CPEB3: variants seen among roughly 807,000 people sequenced by gnomAD.
CPEB3 encodes cytoplasmic polyadenylation element binding protein 3, also known as cytoplasmic polyadenylation element-binding protein 3.
In CPEB3, 20 loss-of-function variants were observed where a neutral mutation model predicts 67.2. The ratio of observed to expected loss-of-function variants is 0.30; its 90% CI spans 0.21 to 0.43. The LOEUF (loss-of-function observed/expected upper bound fraction) is 0.43. CPEB3 is among the 20% of genes least tolerant of loss of function. The probability of loss-of-function intolerance (pLI) is 1.00; values close to 1 mark genes in which losing one functional copy is unlikely to be tolerated. For synonymous variants in CPEB3, 376 were observed against 393.1 expected (o/e 0.96, Z 0.51); for missense variants, 746 against 968.6 (o/e 0.77, Z 3.05).
At chr10:92,165,639 C>A (rs1364715486) in intron 4 of CPEB3, among the ~76,000 whole-genome samples, 1 of 152,162 alleles carries the variant, frequency 6.6e-6, no homozygotes, top group Non-Finnish European at 1.5e-5. Flanking sequence ...TGGATTCGAT[C>A]CTTTCAAACC....
chr10:92,104,813 G>A (rs1007929554), intron 7 of CPEB3, among the ~76,000 whole-genome samples: 1 of 152,092 alleles, frequency 6.6e-6, no homozygotes, highest in Admixed American at 6.6e-5. Flanking sequence ...AATGTATAAT[G>A]AATAGGAGAT....
At chr10:92,167,978 G>C (rs540575527) in intron 4 of CPEB3, among the ~76,000 whole-genome samples, 1 of 152,030 alleles carries the variant, frequency 6.6e-6, no homozygotes, top group East Asian at 1.9e-4. Context: ...AACAGATATA[G>C]TAATAACAAA....
chr10:92,075,553 A>T (rs900415327), intron 9 of CPEB3, among the ~76,000 whole-genome samples: 1 of 152,268 alleles, frequency 6.6e-6, no homozygotes, highest in Non-Finnish European at 1.5e-5. Context: ...TGAATAGCAT[A>T]AAACAGCTCA....
chr10:92,199,108 C>G (rs1418546828), intron 2 of CPEB3, among the ~76,000 whole-genome samples: 2 of 152,156 alleles, frequency 1.3e-5, no homozygotes, highest in African/African-American at 4.8e-5. Flanking sequence ...AAACGATTAA[C>G]TGGCAGGGCG....
intron 6 of CPEB3, chr10:92,137,273 A>G (rs1396344886): frequency 3.2e-6 from 2 of 625,394 alleles, no homozygotes; most frequent in Non-Finnish European, 2.9e-6. Flanking sequence ...ACCAACGTGC[A>G]TGCTGAGGTG....
At chr10:92,282,668 G>C (rs1016208943) in intron 1 of CPEB3, among the ~76,000 whole-genome samples, 1 of 151,854 alleles carries the variant, frequency 6.6e-6, no homozygotes, top group Non-Finnish European at 1.5e-5. Flanking sequence ...CTGGGTGACA[G>C]AGCAAGATCC....
intron 1 of CPEB3, among the ~76,000 whole-genome samples, chr10:92,283,776 GAGTGC>G (rs1842406648): frequency 6.9e-6 from 1 of 145,860 alleles, no homozygotes; most frequent in Admixed American, 7.1e-5. Context: ...GCCCAGGCTG[GAGTGC>G]AGTGGTGCAA....
At chr10:92,130,395 AAAAC>A (rs1428299991) in intron 6 of CPEB3, among the ~76,000 whole-genome samples, 1 of 152,084 alleles carries the variant, frequency 6.6e-6, no homozygotes, top group African/African-American at 2.4e-5. Flanking sequence ...CCAAGTCATG[AAAAC>A]AAACATTGTG....
chr10:92,165,636 G>A (rs1465283554), intron 4 of CPEB3, among the ~76,000 whole-genome samples: 4 of 152,044 alleles, frequency 2.6e-5, no homozygotes, highest in East Asian at 1.9e-4. Flanking sequence ...AACTGGATTC[G>A]ATCCTTTCAA....
chr10:92,200,860 C>G (rs1425215715), intron 2 of CPEB3, among the ~76,000 whole-genome samples: 1 of 152,126 alleles, frequency 6.6e-6, no homozygotes, highest in Non-Finnish European at 1.5e-5. Flanking sequence ...TTTAGCCAGG[C>G]AGGTCAGATA....
chr10:92,236,033 C>G (rs2095437233), intron 2 of CPEB3, among the ~76,000 whole-genome samples: 1 of 152,284 alleles, frequency 6.6e-6, no homozygotes, highest in East Asian at 1.9e-4. Flanking sequence ...TAATACATAT[C>G]TAGGCTTCCT....
chr10:92,192,837 C>T (rs776225519), intron 2 of CPEB3, among the ~76,000 whole-genome samples: 12 of 151,934 alleles, frequency 7.9e-5, no homozygotes, highest in African/African-American at 1.2e-4. Context: ...AGGCTGGTCT[C>T]GAATGTCTAG....
intron 7 of CPEB3, among the ~76,000 whole-genome samples, chr10:92,107,963 T>TA (rs750844342): frequency 2.6e-5 from 4 of 152,052 alleles, no homozygotes; most frequent in Admixed American, 6.6e-5. Context: ...TCATTTGAGT[T>TA]AAAAAAAGCA....
In CPEB3 at chr10:92,234,830, C is replaced by A. The variant is rs373332916; in HGVS notation, c.1005+4516G>T. On this transcript the variant is annotated intron_variant, in intron 2 of 9. Coordinates refer to ENST00000265997, the MANE Select transcript of CPEB3 (RefSeq NM_014912.5). ...ATCCCAGCTACTCACGAGGCTGAGG[C>A]AGGAGAATCTCTTGAACCGGGGAGG... Among the ~76,000 whole-genome samples, 26 of 152,238 alleles carry A rather than the reference C, an allele frequency of 1.7e-4. No homozygotes were observed. In the South Asian group the frequency reaches 3.9e-3, roughly 23 times the overall value.
intron 8 of CPEB3, among the ~76,000 whole-genome samples, chr10:92,090,850 C>A (rs1276249939): frequency 6.6e-6 from 1 of 152,086 alleles, no homozygotes; most frequent in Non-Finnish European, 1.5e-5. Flanking sequence ...TGCTGTTTTG[C>A]TTTCTATCTT....
At position 92,190,665 on chromosome 10, in the gene CPEB3, C is replaced by CAAAA. The variant is rs780757034; in HGVS notation, c.1165+1808_1165+1811dup. On this transcript the variant is annotated intron_variant, in intron 3 of 9. Transcript: ENST00000265997. ...GGGCAACAAGAGCGAAACTCCATCT[C>CAAAA]AAAAAAAAAAAAAAAAAAAAAAAAA... is the stretch of plus-strand genomic sequence containing the variant. 1.2e-3 allele frequency among the ~76,000 whole-genome samples: 91 copies of CAAAA among 78,392 alleles called. 10 individuals carry two copies. Among genetic ancestry groups the CAAAA allele is most frequent in the Non-Finnish European group, 1.7e-3 (75 of 43,158 alleles). The allele number at this position is 78,392 out of a possible 152,430, so 51.4% of individuals were successfully genotyped here.
intron 4 of CPEB3, 82 bp from the exon 5 acceptor site, chr10:92,145,167 G>T: frequency 6.6e-7 from 1 of 1,517,884 alleles, no homozygotes; most frequent in South Asian, 1.2e-5. Context: ...GACAATAAAT[G>T]CTCTATTAGA....
Position 92,068,618 on chromosome 10 carries a change from C to T in CPEB3, c.1869+12702G>A, listed in dbSNP as rs931795031. Among the ~76,000 whole-genome samples, 16 of 152,082 alleles carry T rather than the reference C, an allele frequency of 1.1e-4. 1 individual carries two copies. The highest frequency in any genetic ancestry group is 3.3e-4 in the Admixed American group (5 of 15,268). On this transcript the variant is annotated intron_variant, in intron 9 of 9. Coordinates refer to ENST00000265997, the MANE Select transcript of CPEB3 (RefSeq NM_014912.5). The stretch of plus-strand genomic sequence containing the variant: ...CTTTATCTCATAAACAACCTCTACA[C>T]TCAACTATGAGCAGGAAAGATGAAT...
At chr10:92,273,337 C>A (rs1286997717) in intron 1 of CPEB3, among the ~76,000 whole-genome samples, 1 of 151,906 alleles carries the variant, frequency 6.6e-6, no homozygotes, top group Non-Finnish European at 1.5e-5. Flanking sequence ...ATTTTTGTAT[C>A]CCCAGTATCT....
Sources: allele counts gnomAD v4.1 joint callset (sites outside exome capture counted in the v4.1 genomes callset), GRCh38; gene constraint gnomAD v4.1.1; transcripts MANE v1.5; gene names NCBI Gene and HGNC (gene_info 2026-07-23, HGNC 2026-07-21).